ADGRL3: variants seen among roughly 807,000 people sequenced by gnomAD.
ADGRL3 encodes adhesion G protein-coupled receptor L3, also known as calcium-independent alpha-latrotoxin receptor 3.
ADGRL3 carries 62 observed loss-of-function variants against 153.5 expected under a neutral mutation model. The observed-to-expected ratio is 0.40, with a 90% CI of 0.33 to 0.50. The LOEUF is 0.50. ADGRL3 is among the 20% of genes least tolerant of loss of function. ADGRL3 has a pLI of 0.47. For missense variants in ADGRL3, 1,641 were observed against 1,859.4 expected, an observed-to-expected ratio of 0.88 and a Z score of 2.16; for synonymous variants, 710 against 672.5, an observed-to-expected ratio of 1.06 and a Z score of -0.86.
intron 2 of ADGRL3, among the ~76,000 whole-genome samples, chr4:61,414,699 A>C (rs903209863): frequency 6.6e-6 from 1 of 151,920 alleles, no homozygotes; most frequent in African/African-American, 2.4e-5. Context: ...TAATATATCA[A>C]ATCAAAGAGG....
At chr4:61,986,951 A>G (rs927857714) in intron 19 of ADGRL3, among the ~76,000 whole-genome samples, 23 of 152,270 alleles carry the variant, frequency 1.5e-4, no homozygotes, top group African/African-American at 5.5e-4. Context: ...GTTGAAGTGA[A>G]CAGATTGTTT....
chr4:61,566,462 A>G (rs1440513903), intron 4 of ADGRL3, among the ~76,000 whole-genome samples: 2 of 152,178 alleles, frequency 1.3e-5, no homozygotes, highest in African/African-American at 4.8e-5. Context: ...AATTCAACAC[A>G]TAACAGGAGG....
intron 5 of ADGRL3, among the ~76,000 whole-genome samples, chr4:61,610,138 G>T (rs892594335): frequency 2.7e-5 from 4 of 146,818 alleles, no homozygotes; most frequent in Non-Finnish European, 4.5e-5. Flanking sequence ...AGGGAAGTGA[G>T]ATATATATAT....
chr4:61,745,417 C>CA (rs1371076384), intron 8 of ADGRL3, among the ~76,000 whole-genome samples: 1 of 152,002 alleles, frequency 6.6e-6, no homozygotes, highest in Non-Finnish European at 1.5e-5. Flanking sequence ...TCAGATTCAC[C>CA]AAAGTTGAAA....
At chr4:61,593,881 C>T (rs1168182401) in intron 5 of ADGRL3, among the ~76,000 whole-genome samples, 2 of 152,194 alleles carry the variant, frequency 1.3e-5, no homozygotes, top group East Asian at 1.9e-4. Flanking sequence ...GATATTATCC[C>T]TATGAATCCC....
At chr4:61,712,129 C>CACA (rs1561106561) in intron 6 of ADGRL3, among the ~76,000 whole-genome samples, 1 of 152,088 alleles carries the variant, frequency 6.6e-6, no homozygotes, top group East Asian at 1.9e-4. Context: ...TTTGGTGGCT[C>CACA]ATGAGTATAA....
chr4:61,472,272 C>A (rs1231358585), intron 2 of ADGRL3, among the ~76,000 whole-genome samples: 3 of 152,058 alleles, frequency 2.0e-5, no homozygotes, highest in African/African-American at 7.2e-5. Flanking sequence ...TTGAAAAGTT[C>A]AAAGACTAGA....
intron 25 of ADGRL3, among the ~76,000 whole-genome samples, chr4:62,065,231 A>ACCT (rs1742384073): frequency 6.6e-6 from 1 of 152,088 alleles, no homozygotes; most frequent in Non-Finnish European, 1.5e-5. Context: ...GAAACAGCTA[A>ACCT]CCTGTCTTCC....
chr4:61,464,364 T>G (rs1017927858), intron 2 of ADGRL3, among the ~76,000 whole-genome samples: 1 of 152,226 alleles, frequency 6.6e-6, no homozygotes, highest in Non-Finnish European at 1.5e-5. Context: ...GAGTCATTAA[T>G]GTCTGTCTTA....
intron 17 of ADGRL3, among the ~76,000 whole-genome samples, chr4:61,967,018 A>G (rs2099009372): frequency 1.3e-5 from 2 of 152,178 alleles, no homozygotes; most frequent in African/African-American, 4.8e-5. Flanking sequence ...GGGAAATAGC[A>G]CTGCAAGACC....
rs553102208 is a variant in ADGRL3 at position 62,034,399 on chromosome 4, CAAGT to C, written c.3591+2792_3591+2795del. 1.3e-3 allele frequency among the ~76,000 whole-genome samples: 193 copies of C among 151,958 alleles called. 2 individuals carry two copies. Among genetic ancestry groups the C allele is most frequent in the African/African-American group, 4.4e-3 (183 of 41,526 alleles). ...CGCTTATTTTCATGATTTACAATAA[CAAGT>C]AATACATATTGTTCTTTCATCCATT... On this transcript the variant is annotated intron_variant, in intron 23 of 26. Coordinates refer to ENST00000683033, the MANE Select transcript of ADGRL3 (RefSeq NM_001387552.1).
At chr4:62,028,822 G>T (rs752354639) in intron 21 of ADGRL3, 33 bp from the exon 22 acceptor site, 4 of 1,578,542 alleles carry the variant, frequency 2.5e-6, no homozygotes, top group Non-Finnish European at 3.5e-6. Flanking sequence ...GCTAATGTTG[G>T]TGTTCTTGTC....
intron 1 of ADGRL3, among the ~76,000 whole-genome samples, chr4:61,309,036 T>C (rs550371922): frequency 6.6e-6 from 1 of 152,308 alleles, no homozygotes; most frequent in East Asian, 1.9e-4. Context: ...GACAAAAGAA[T>C]TACCTTCGCA....
At chr4:61,740,941 C>T (rs1484028914) in intron 8 of ADGRL3, among the ~76,000 whole-genome samples, 1 of 152,154 alleles carries the variant, frequency 6.6e-6, no homozygotes, top group Non-Finnish European at 1.5e-5. Flanking sequence ...AACAGTTTAA[C>T]AATGAGGATA....
At chr4:61,281,734 T>C (rs954325990) in intron 1 of ADGRL3, among the ~76,000 whole-genome samples, 1 of 152,158 alleles carries the variant, frequency 6.6e-6, no homozygotes, top group Middle Eastern at 3.2e-3. Context: ...TGAGCATTAG[T>C]TGCTTGTCCC....
At chr4:61,598,157 T>A (rs1009731364) in intron 5 of ADGRL3, among the ~76,000 whole-genome samples, 4 of 151,766 alleles carry the variant, frequency 2.6e-5, no homozygotes, top group African/African-American at 9.7e-5. Flanking sequence ...TGCTGTGACA[T>A]TAAAAAAAAA....
chr4:62,064,337 G>GAA (rs1180221819), intron 25 of ADGRL3, among the ~76,000 whole-genome samples: 179 of 142,000 alleles, frequency 1.3e-3, no homozygotes, highest in African/African-American at 4.5e-3. Flanking sequence ...TTGTATCTCA[G>GAA]AAAAAAAAAA....
At chr4:61,646,865 C>G (rs918905608) in intron 5 of ADGRL3, among the ~76,000 whole-genome samples, 1 of 152,216 alleles carries the variant, frequency 6.6e-6, no homozygotes, top group African/African-American at 2.4e-5. Flanking sequence ...GGCGGGCGCC[C>G]CTCCCCCAGC....
chr4:61,377,354 A>G (rs2096616007), intron 1 of ADGRL3, among the ~76,000 whole-genome samples: 1 of 152,070 alleles, frequency 6.6e-6, no homozygotes, highest in African/African-American at 2.4e-5. Context: ...TCTATAAGCA[A>G]AATTGTTGGG....
Sources: allele counts gnomAD v4.1 joint callset (sites outside exome capture counted in the v4.1 genomes callset), GRCh38; gene constraint gnomAD v4.1.1; transcripts MANE v1.5; gene names NCBI Gene and HGNC (gene_info 2026-07-23, HGNC 2026-07-21).